Variants in SLC38A8 observed in about 807,000 individuals in gnomAD.
SLC38A8 encodes the protein solute carrier family 38 member 8.
Under a neutral mutation model 46.0 loss-of-function variants are expected in SLC38A8, and 65 were observed. That is an observed-to-expected ratio of 1.41 (90% CI 1.16 to 1.74). The LOEUF (loss-of-function observed/expected upper bound fraction) is 1.74. SLC38A8 is among the 40% of genes most tolerant of loss of function. The pLI is 0.00. For synonymous variants in SLC38A8, 447 were observed against 243.7 expected, an observed-to-expected ratio of 1.83 and a Z score of -7.77; for missense variants, 998 against 567.9, an observed-to-expected ratio of 1.76 and a Z score of -7.70.
chr16:84,031,152 G>C (rs1159001522), intron 5 of SLC38A8, among the ~76,000 whole-genome samples: 1 of 152,130 alleles, frequency 6.6e-6, no homozygotes, highest in Admixed American at 6.5e-5. Context: ...CAATTCTCCT[G>C]CCTCAGCCTC....
At chr16:84,033,068 T>C (rs542736644) in intron 4 of SLC38A8, among the ~76,000 whole-genome samples, 1 of 152,084 alleles carries the variant, frequency 6.6e-6, no homozygotes, top group East Asian at 1.9e-4. Context: ...GGCGTCTCTC[T>C]CTCTCTGCAG....
intron 6 of SLC38A8, among the ~76,000 whole-genome samples, chr16:84,029,196 C>T (rs1462302561): frequency 6.6e-6 from 1 of 152,146 alleles, no homozygotes; most frequent in African/African-American, 2.4e-5. Context: ...AGGGACAGGT[C>T]CCGGGTCCCC....
rs376582553 is a variant in SLC38A8 at position 84,013,064 on chromosome 16, A to G, written c.1163-12T>C. On this transcript the variant is annotated splice_polypyrimidine_tract_variant and intron_variant, in intron 9 of 10. Transcript: ENST00000299709. The stretch of plus-strand genomic sequence containing the variant: ...GATGAGGCACAAACCTGCAAAAAAG[A>G]CAGGGTCACCCACAGTTCTTCGTTA... The G allele has an allele frequency of 1.8e-4, 284 of 1,613,970 alleles. 2 individuals carry two copies. The highest frequency in any genetic ancestry group is 1.4e-3 in the South Asian group (128 of 91,078).
chr16:84,022,116 G>C (rs996621578), intron 7 of SLC38A8, among the ~76,000 whole-genome samples: 2 of 152,218 alleles, frequency 1.3e-5, no homozygotes, highest in Admixed American at 6.5e-5. Flanking sequence ...GAGTTTTTAA[G>C]AGGATAAATA....
At chr16:84,017,365 G>T (rs28669064) in intron 7 of SLC38A8, 78 bp from the exon 8 acceptor site, 86,377 of 1,536,306 alleles carry the variant, frequency 0.056, 2,754 homozygotes, top group East Asian at 0.12. Context: ...GACAGACAGC[G>T]CCTGGCTTTA....
chr16:84,035,317 G>A (rs539877461), intron 3 of SLC38A8, among the ~76,000 whole-genome samples: 20 of 152,284 alleles, frequency 1.3e-4, no homozygotes, highest in South Asian at 6.2e-4. Flanking sequence ...GTATAAGGTC[G>A]TGTTTACCAA....
chr16:84,027,808 T>C (rs930339824), intron 6 of SLC38A8, among the ~76,000 whole-genome samples: 3 of 152,274 alleles, frequency 2.0e-5, no homozygotes, highest in Admixed American at 1.3e-4. Flanking sequence ...GGGCACCCCT[T>C]GCAAGCATCG....
intron 5 of SLC38A8, among the ~76,000 whole-genome samples, chr16:84,031,081 C>G (rs1175006125): frequency 2.0e-5 from 3 of 152,086 alleles, no homozygotes; most frequent in African/African-American, 7.2e-5. Context: ...TGCTCTGTTG[C>G]CCAGGCTGGA....
At chr16:84,039,598 T>A (rs1196596298) in intron 2 of SLC38A8, among the ~76,000 whole-genome samples, 1 of 151,884 alleles carries the variant, frequency 6.6e-6, no homozygotes, top group Non-Finnish European at 1.5e-5. Context: ...CACAAAAAAC[T>A]AGCAGGGTGT....
intron 9 of SLC38A8, among the ~76,000 whole-genome samples, chr16:84,014,154 G>A (rs1203233284): frequency 1.3e-5 from 2 of 150,474 alleles, no homozygotes; most frequent in African/African-American, 2.4e-5. Flanking sequence ...GAGGAGCTAT[G>A]TGGCCACACC....
At chr16:84,023,320 C>T (rs979035356) in intron 6 of SLC38A8, among the ~76,000 whole-genome samples, 1 of 152,158 alleles carries the variant, frequency 6.6e-6, no homozygotes, top group Non-Finnish European at 1.5e-5. Flanking sequence ...GCAGGACTTG[C>T]ATCAGGAATA....
In SLC38A8 at chr16:84,017,293, G is replaced by A. The variant is rs796508872; in HGVS notation, c.806-6C>T. 6.2e-7 allele frequency: 1 copy of A among 1,613,888 alleles called. No homozygotes were observed. On this transcript the variant is annotated splice_polypyrimidine_tract_variant and splice_region_variant and intron_variant, in intron 7 of 10. Transcript: ENST00000299709. The stretch of plus-strand genomic sequence containing the variant: ...AGTCAGGAAGCCATAAACCCCTGAA[G>A]GTGGGAAAGGATGGAAGCCACAGAG...
At chr16:84,024,831 A>C (rs1306477411) in intron 6 of SLC38A8, among the ~76,000 whole-genome samples, 1 of 152,004 alleles carries the variant, frequency 6.6e-6, no homozygotes, top group Non-Finnish European at 1.5e-5. Flanking sequence ...CTGGGATTAC[A>C]GGCACGCCCA....
At position 84,033,387 on chromosome 16, in the gene SLC38A8, G is replaced by A. The variant is rs146958948; in HGVS notation, c.471C>T (p.Ser157=). 103 of 1,614,040 alleles carry A rather than the reference G, an allele frequency of 6.4e-5. No homozygotes were observed. Among genetic ancestry groups the A allele is most frequent in the African/African-American group, 3.6e-4 (27 of 75,050 alleles). ...ADQRFTLPLL[S]VLVILPLSAP... ...CAGACAGGGGCAGGATGACCAGCAC[G>A]GAGAGCAGGGGCAGGGTGAAGCGCT... The change falls in exon 4 of 11, where the codon TCC becomes TCT. Residue 157 remains serine, a synonymous_variant. Coordinates refer to ENST00000299709, the MANE Select transcript of SLC38A8 (RefSeq NM_001080442.3).
At chr16:84,030,632 A>G (rs1438564027) in intron 5 of SLC38A8, among the ~76,000 whole-genome samples, 1 of 151,918 alleles carries the variant, frequency 6.6e-6, no homozygotes, top group African/African-American at 2.4e-5. Context: ...CAGCATCTCC[A>G]TCCTTCCCAC....
intron 7 of SLC38A8, among the ~76,000 whole-genome samples, chr16:84,020,940 T>C (rs2085087738): frequency 6.6e-6 from 1 of 152,226 alleles, no homozygotes; most frequent in African/African-American, 2.4e-5. Context: ...ATGATCAATT[T>C]CATCTTCAAG....
Position 84,009,725 on chromosome 16 carries a change from C to G in SLC38A8, c.*59G>C, listed in dbSNP as rs928849639. On this transcript the variant is annotated 3_prime_UTR_variant, in exon 11 of 11. Coordinates refer to ENST00000299709, the MANE Select transcript of SLC38A8 (RefSeq NM_001080442.3). ...ATGGCATCGGTCTCCTGGCTGCATA[C>G]AGCAGCCACGTAGGGTCAGCCCCCG... 5 of 1,431,720 alleles carry G rather than the reference C, an allele frequency of 3.5e-6. No homozygotes were observed. In the African/African-American group the frequency reaches 5.7e-5, roughly 16 times the overall value. 88.7% of individuals were successfully genotyped at this position (1,431,720 alleles called of 1,614,324 possible). A position where few individuals can be genotyped will look rare whatever the true frequency, so the allele number is the denominator to read the frequency against.
chr16:84,019,450 C>G (rs2085070610), intron 7 of SLC38A8, among the ~76,000 whole-genome samples: 1 of 152,144 alleles, frequency 6.6e-6, no homozygotes, highest in African/African-American at 2.4e-5. Flanking sequence ...AACCCTTCAC[C>G]ACAAATGGAT....
intron 6 of SLC38A8, among the ~76,000 whole-genome samples, chr16:84,027,995 G>A (rs1371333655): frequency 1.3e-5 from 2 of 151,978 alleles, no homozygotes; most frequent in Non-Finnish European, 2.9e-5. Flanking sequence ...CTGAGGCCCT[G>A]AAGCAGCACG....
Sources: allele counts gnomAD v4.1 joint callset (sites outside exome capture counted in the v4.1 genomes callset), GRCh38; gene constraint gnomAD v4.1.1; transcripts MANE v1.5; gene names NCBI Gene and HGNC (gene_info 2026-07-23, HGNC 2026-07-21).